IL1RAPL2: variants seen among roughly 807,000 people sequenced by gnomAD.
IL1RAPL2 encodes X-linked interleukin-1 receptor accessory protein-like 2.
In IL1RAPL2, 3 loss-of-function variants were observed where a neutral mutation model predicts 44.1. The ratio of observed to expected loss-of-function variants is 0.07; its 90% CI spans 0.03 to 0.18. IL1RAPL2 has a LOEUF of 0.18. Ranked by LOEUF, IL1RAPL2 falls within the 10% of genes least tolerant of loss-of-function variation. IL1RAPL2 has a pLI of 1.00. For missense variants in IL1RAPL2, 391 were observed against 496.4 expected, an observed-to-expected ratio of 0.79 and a Z score of 2.02; for synonymous variants, 181 against 178.8, an observed-to-expected ratio of 1.01 and a Z score of -0.10.
rs1043621581 is a variant in IL1RAPL2 at position 105,184,658 on chromosome X, G to A, written c.83-10817G>A. Among the ~76,000 whole-genome samples the A allele has an allele frequency of 3.7e-5, 4 of 109,439 alleles. No individual in the cohort carries two copies. The South Asian group carries it at 1.5e-3, about 42-fold the overall frequency. ...AGTATTATTACTGTATACTATACATGTATTATTTCGTAGTATTATGTAAAA... is the reference window on the plus strand; with the variant it reads ...AGTATTATTACTGTATACTATACATATATTATTTCGTAGTATTATGTAAAA... On this transcript the variant is annotated intron_variant, in intron 2 of 10. Coordinates refer to ENST00000372582, the MANE Select transcript of IL1RAPL2 (RefSeq NM_017416.2).
At chrX:104,986,443 T>A (rs998736323) in intron 2 of IL1RAPL2, among the ~76,000 whole-genome samples, 5 of 112,448 alleles carry the variant, frequency 4.4e-5, no homozygotes, top group South Asian at 7.3e-4. Context: ...AAGTTTTCTT[T>A]CAAGTCTGAA....
At position 105,061,926 on chromosome X, in the gene IL1RAPL2, T is replaced by C. The variant is rs147822144; in HGVS notation, c.83-133549T>C. On this transcript the variant is annotated intron_variant, in intron 2 of 10. Coordinates refer to ENST00000372582, the MANE Select transcript of IL1RAPL2 (RefSeq NM_017416.2). Reference sequence around the variant, plus strand: ...CCTTTATTTTCAGTCTGTGTCTTTATGTATGTCTCTTGTAGGCAGCCAATA... The same window carrying C: ...CCTTTATTTTCAGTCTGTGTCTTTACGTATGTCTCTTGTAGGCAGCCAATA... Among the ~76,000 whole-genome samples the C allele has an allele frequency of 8.6e-3, 963 of 112,139 alleles. 36 individuals are homozygous for C. The highest frequency in any genetic ancestry group is 0.081 in the Admixed American group (858 of 10,567).
At chrX:105,190,186 T>G (rs1275525375) in intron 2 of IL1RAPL2, among the ~76,000 whole-genome samples, 4 of 111,077 alleles carry the variant, frequency 3.6e-5, no homozygotes, top group African/African-American at 6.6e-5. Context: ...TCATAGCTGC[T>G]GCTGCTGTTA....
At chrX:105,180,593 C>T (rs932544688) in intron 2 of IL1RAPL2, among the ~76,000 whole-genome samples, 1 of 111,682 alleles carries the variant, frequency 9.0e-6, no homozygotes, top group Admixed American at 9.5e-5. Flanking sequence ...TTTATTGAGA[C>T]AATCATATGG....
intron 5 of IL1RAPL2, among the ~76,000 whole-genome samples, chrX:105,414,210 C>T (rs1000940486): frequency 3.3e-4 from 37 of 110,862 alleles, no homozygotes; most frequent in African/African-American, 1.1e-3. Flanking sequence ...TCACTGCAAC[C>T]GCCACCTCCC....
chrX:105,572,278 G>A (rs181925916), intron 6 of IL1RAPL2, among the ~76,000 whole-genome samples: 3 of 111,977 alleles, frequency 2.7e-5, no homozygotes, highest in South Asian at 7.4e-4. Flanking sequence ...AGGTCTGCAA[G>A]AGTGGGTGAA....
intron 2 of IL1RAPL2, among the ~76,000 whole-genome samples, chrX:104,734,382 T>C (rs1242996845): frequency 8.9e-6 from 1 of 112,573 alleles, no homozygotes; most frequent in Non-Finnish European, 1.9e-5. Context: ...TAACCCCCAA[T>C]TGGAAACAAC....
chrX:104,622,652 A>G (rs1400239811), intron 1 of IL1RAPL2, among the ~76,000 whole-genome samples: 1 of 111,081 alleles, frequency 9.0e-6, no homozygotes, highest in Admixed American at 9.7e-5. Flanking sequence ...ACAATGGTCA[A>G]GGTGAGGCTT....
At chrX:105,020,202 C>T (rs1292302770) in intron 2 of IL1RAPL2, among the ~76,000 whole-genome samples, 1 of 110,436 alleles carries the variant, frequency 9.1e-6, no homozygotes, top group Non-Finnish European at 1.9e-5. Flanking sequence ...CTAGGCTAGT[C>T]TTGAACTCCT....
At chrX:105,292,220 G>A (rs1368959070) in intron 5 of IL1RAPL2, among the ~76,000 whole-genome samples, 1 of 112,196 alleles carries the variant, frequency 8.9e-6, no homozygotes, top group Non-Finnish European at 1.9e-5. Flanking sequence ...AATTATGCAT[G>A]TATAAAAGAT....
At chrX:105,437,656 G>A (rs2035891417) in intron 5 of IL1RAPL2, among the ~76,000 whole-genome samples, 1 of 111,170 alleles carries the variant, frequency 9.0e-6, no homozygotes, top group African/African-American at 3.3e-5. Context: ...TACCCATTTA[G>A]AAACAGGTGC....
chrX:105,083,819 T>C (rs989772034), intron 2 of IL1RAPL2, among the ~76,000 whole-genome samples: 3 of 112,015 alleles, frequency 2.7e-5, no homozygotes, highest in Admixed American at 9.5e-5. Context: ...AAGGAAGCAC[T>C]AAACATGGAA....
At chrX:105,727,017 T>G (rs1005066972) in intron 7 of IL1RAPL2, among the ~76,000 whole-genome samples, 27 of 106,444 alleles carry the variant, frequency 2.5e-4, no homozygotes, top group Non-Finnish European at 4.1e-4. Context: ...AAGAAAGAGA[T>G]CTTGTTTAAT....
At chrX:104,623,874 C>T (rs1342564600) in intron 1 of IL1RAPL2, among the ~76,000 whole-genome samples, 1 of 111,942 alleles carries the variant, frequency 8.9e-6, no homozygotes, top group South Asian at 3.8e-4. Context: ...TAGCCATTTA[C>T]TGTAAATAAG....
At chrX:105,473,620 T>G (rs1056275615) in intron 5 of IL1RAPL2, among the ~76,000 whole-genome samples, 2 of 112,306 alleles carry the variant, frequency 1.8e-5, no homozygotes, top group Non-Finnish European at 3.8e-5. Flanking sequence ...AGTGATATTT[T>G]GCTTTTCCTT....
rs1332071972 is a variant in IL1RAPL2, at chrX:105,350,504, G to A, written c.697+82963G>A. Among the ~76,000 whole-genome samples the A allele has an allele frequency of 5.3e-5, 6 of 112,166 alleles. No individual in the cohort carries two copies. In the East Asian group the frequency reaches 1.4e-3, roughly 26 times the overall value. On this transcript the variant is annotated intron_variant, in intron 5 of 10. Transcript: ENST00000372582. ...TTTGGGAGGTCGAGGCGGGTGGATCGTCTGAGGTTGGAAGTTCAAGAGCAG... is the reference window on the plus strand; with the variant it reads ...TTTGGGAGGTCGAGGCGGGTGGATCATCTGAGGTTGGAAGTTCAAGAGCAG...
chrX:105,693,659 T>A (rs1342808243), intron 6 of IL1RAPL2, among the ~76,000 whole-genome samples: 2 of 111,522 alleles, frequency 1.8e-5, no homozygotes, highest in Non-Finnish European at 3.8e-5. Context: ...ACACAGACCT[T>A]GAGTTGAAGA....
At chrX:105,371,251 C>A (rs190692870) in intron 5 of IL1RAPL2, among the ~76,000 whole-genome samples, 4 of 112,074 alleles carry the variant, frequency 3.6e-5, no homozygotes, top group Non-Finnish European at 5.6e-5. Flanking sequence ...TCCCATTTGT[C>A]AAATTTTATC....
chrX:104,858,378 G>A (rs1714552299), intron 2 of IL1RAPL2, among the ~76,000 whole-genome samples: 1 of 111,652 alleles, frequency 9.0e-6, no homozygotes, highest in African/African-American at 3.2e-5. Flanking sequence ...GACCTCAAAT[G>A]TAAACCTGCT....
Sources: allele counts gnomAD v4.1 joint callset (sites outside exome capture counted in the v4.1 genomes callset), GRCh38; gene constraint gnomAD v4.1.1; transcripts MANE v1.5; gene names NCBI Gene and HGNC (gene_info 2026-07-23, HGNC 2026-07-21).